The following NUFIP1 variants were observed in gnomAD, a reference collection of about 807,000 sequenced individuals.
NUFIP1 encodes FMR1-interacting protein NUFIP1.
Under a neutral mutation model 56.2 loss-of-function variants are expected in NUFIP1, and 38 were observed. The ratio of observed to expected loss-of-function variants is 0.68; its 90% CI spans 0.52 to 0.89. NUFIP1 has a LOEUF of 0.89. Among genes scored for constraint, NUFIP1 ranks in the 40% least tolerant of loss-of-function variants. NUFIP1 has a pLI of 0.00. For synonymous variants in NUFIP1, 215 were observed against 212.4 expected (o/e 1.01, Z -0.10); for missense variants, 567 against 605.8 (o/e 0.94, Z 0.67).
chr13:44,961,692 G>C (rs892893707), intron 6 of NUFIP1, among the ~76,000 whole-genome samples: 39 of 152,186 alleles, frequency 2.6e-4, no homozygotes, highest in African/African-American at 8.9e-4. Flanking sequence ...TCACTGCAAA[G>C]AAAACAGGTC....
At chr13:44,958,873 T>C (rs1352199378) in intron 7 of NUFIP1, among the ~76,000 whole-genome samples, 1 of 152,248 alleles carries the variant, frequency 6.6e-6, no homozygotes, top group Non-Finnish European at 1.5e-5. Context: ...ACTTGCCCTA[T>C]ATGTTTTAGA....
At position 44,943,477 on chromosome 13, in the gene NUFIP1, C is replaced by G; in HGVS notation, c.1336G>C (p.Glu446Gln). ...KDYHNYQTLF[E>Q]PRTHHPYLLE... is the part of the protein sequence containing the mutation. The stretch of plus-strand genomic sequence containing the variant: ...AGATATGGATGGTGTGTTCTTGGTT[C>G]GAATAACGTTTGATAGTTGTGATAA... The change falls in exon 9 of 10, where the codon GAA becomes CAA. Residue 446 changes from glutamate (E) to glutamine (Q), a missense_variant. Coordinates refer to ENST00000379161, the MANE Select transcript of NUFIP1 (RefSeq NM_012345.3). 3.1e-6 allele frequency: 5 copies of G among 1,613,842 alleles called. No homozygotes were observed. The South Asian group carries it at 5.5e-5, about 18-fold the overall frequency.
chr13:44,945,901 T>G (rs1272219269), intron 8 of NUFIP1, among the ~76,000 whole-genome samples: 2 of 152,020 alleles, frequency 1.3e-5, no homozygotes, highest in East Asian at 3.8e-4. Context: ...ACTCAAACAT[T>G]ACATAGGACT....
rs540176696 is a variant in NUFIP1 at position 44,959,194 on chromosome 13, A to G, written c.1021+187T>C. ...CCTCCCTGCCCCATGTGCCCACCCA[A>G]GACTCAGAAAAGATGTTCTGAAATG... On this transcript the variant is annotated intron_variant, in intron 7 of 9. Transcript: ENST00000379161. 4.6e-5 allele frequency among the ~76,000 whole-genome samples: 7 copies of G among 152,336 alleles called. No individual in the cohort carries two copies. In the South Asian group the frequency reaches 1.4e-3, roughly 32 times the overall value.
At position 44,979,874 on chromosome 13, in the gene NUFIP1, A is replaced by G; in HGVS notation, c.657+16T>C. The G allele has an allele frequency of 3.2e-6, 5 of 1,574,632 alleles. No homozygotes were observed. The highest frequency in any genetic ancestry group is 3.4e-6 in the Non-Finnish European group (4 of 1,162,730). The stretch of plus-strand genomic sequence containing the variant: ...AGAGCATGTATTTAAAAATAGGATA[A>G]AAAAACAGAACTTACATTTCTCCAA... On this transcript the variant is annotated intron_variant, in intron 4 of 9. Coordinates refer to ENST00000379161, the MANE Select transcript of NUFIP1 (RefSeq NM_012345.3).
At chr13:44,942,990 G>T (rs1328819069) in intron 9 of NUFIP1, among the ~76,000 whole-genome samples, 1 of 150,314 alleles carries the variant, frequency 6.7e-6, no homozygotes, top group Non-Finnish European at 1.5e-5. Flanking sequence ...AAAAAAAATA[G>T]GTGGAGGAGG....
chr13:44,966,003 A>G, intron 5 of NUFIP1, 67 bp from the exon 6 acceptor site: 1 of 856,516 alleles, frequency 1.2e-6, no homozygotes, highest in Non-Finnish European at 1.7e-6. Flanking sequence ...GCAATCAAGC[A>G]ATTGCTGAAT....
intron 9 of NUFIP1, among the ~76,000 whole-genome samples, chr13:44,943,240 A>T (rs1870802167): frequency 1.3e-5 from 2 of 152,194 alleles, no homozygotes; most frequent in Admixed American, 6.5e-5. Flanking sequence ...AGTGGTTGTA[A>T]AAATTACATT....
intron 5 of NUFIP1, among the ~76,000 whole-genome samples, chr13:44,977,112 A>C (rs1222125984): frequency 3.9e-5 from 6 of 152,216 alleles, no homozygotes; most frequent in Non-Finnish European, 8.8e-5. Context: ...GCAATTGGCT[A>C]AGGCTCCCTT....
chr13:44,982,485 A>G (rs887896945), intron 1 of NUFIP1, among the ~76,000 whole-genome samples: 8 of 152,214 alleles, frequency 5.3e-5, no homozygotes, highest in African/African-American at 1.7e-4. Flanking sequence ...CTGCTCCTTC[A>G]GCATCAATTT....
chr13:44,943,455 T>G lies in NUFIP1; in HGVS notation c.1358A>C (p.Tyr453Ser). The change falls in exon 9 of 10, where the codon TAT (tyrosine) becomes TCT (serine). Residue 453 changes from tyrosine to serine, a missense_variant. By Grantham distance (144) the Tyr-to-Ser change is moderately radical. Coordinates refer to ENST00000379161, the MANE Select transcript of NUFIP1 (RefSeq NM_012345.3). ...TLFEPRTHHP[Y>S]LLEMLLAPDI... The stretch of plus-strand genomic sequence containing the variant: ...AAAATAATTTACCATTTCCAAGAGA[T>G]ATGGATGGTGTGTTCTTGGTTCGAA... 1 of 1,612,934 alleles carries G rather than the reference T, an allele frequency of 6.2e-7. No individual in the cohort carries two copies. The highest frequency in any genetic ancestry group is 8.5e-7 in the Non-Finnish European group (1 of 1,179,176).
At chr13:44,960,817 C>G (rs1871397914) in intron 6 of NUFIP1, among the ~76,000 whole-genome samples, 1 of 152,122 alleles carries the variant, frequency 6.6e-6, no homozygotes, top group Non-Finnish European at 1.5e-5. Flanking sequence ...AATTTCAGCA[C>G]TTTGGGAGGC....
chr13:44,989,470 G>C lies in NUFIP1; in HGVS notation c.-34C>G, dbSNP rs1442426674. On this transcript the variant is annotated 5_prime_UTR_variant, in exon 1 of 10. Coordinates refer to ENST00000379161, the MANE Select transcript of NUFIP1 (RefSeq NM_012345.3). ...CGGGTCCGGAGTCTAGCACGCGACT[G>C]TGGAGCAAGCATTAGGCGTCACTTC... 1.9e-6 allele frequency: 3 copies of C among 1,608,634 alleles called. No individual in the cohort carries two copies. Among genetic ancestry groups the C allele is most frequent in the South Asian group, 1.1e-5 (1 of 90,528 alleles).
intron 6 of NUFIP1, among the ~76,000 whole-genome samples, chr13:44,962,512 T>C (rs1243987815): frequency 6.6e-6 from 1 of 152,240 alleles, no homozygotes; most frequent in African/African-American, 2.4e-5. Flanking sequence ...TAATGACATT[T>C]TGATCAACAA....
chr13:44,958,171 C>G (rs1271693553), intron 7 of NUFIP1, among the ~76,000 whole-genome samples: 1 of 152,130 alleles, frequency 6.6e-6, no homozygotes, highest in Non-Finnish European at 1.5e-5. Context: ...GTGTAGTGTA[C>G]TGGTGGAGTG....
intron 6 of NUFIP1, among the ~76,000 whole-genome samples, chr13:44,962,291 G>C (rs931470149): frequency 2.0e-5 from 3 of 152,098 alleles, no homozygotes; most frequent in African/African-American, 2.4e-5. Flanking sequence ...AAAAGGAATA[G>C]GTTGTTGAAA....
At chr13:44,945,501 A>G (rs1870876690) in intron 8 of NUFIP1, among the ~76,000 whole-genome samples, 1 of 152,046 alleles carries the variant, frequency 6.6e-6, no homozygotes, top group Non-Finnish European at 1.5e-5. Flanking sequence ...CCCTACTCAT[A>G]CCAAATCTCT....
rs1329184000 is a variant in NUFIP1 at position 44,943,504 on chromosome 13, C to A, written c.1309G>T (p.Asp437Tyr). ...AATAACGTTTGATAGTTGTGATAAT[C>A]TTTTTTCCTCTTAGGGTTTGTTTTT... Reference protein sequence around the residue: ...FEKTNPKRKKDYHNYQTLFEP... With the variant: ...FEKTNPKRKKYYHNYQTLFEP... Residue 437 changes from aspartate to tyrosine, a missense_variant, in exon 9 of 10, where the codon GAT becomes TAT. Physicochemically the swap from Asp to Tyr is radical, Grantham distance 160. Coordinates refer to ENST00000379161, the MANE Select transcript of NUFIP1 (RefSeq NM_012345.3). 6.2e-7 allele frequency: 1 copy of A among 1,613,934 alleles called. No individual in the cohort carries two copies. Among genetic ancestry groups the A allele is most frequent in the Non-Finnish European group, 8.5e-7 (1 of 1,179,984 alleles).
At chr13:44,947,095 G>A (rs756907798) in intron 8 of NUFIP1, among the ~76,000 whole-genome samples, 2 of 151,978 alleles carry the variant, frequency 1.3e-5, no homozygotes, top group Non-Finnish European at 2.9e-5. Context: ...AAAAGTCTAC[G>A]CATTATTGTG....
Sources: gnomAD v4.1 joint callset for allele counts (sites outside exome capture counted in the v4.1 genomes callset) on GRCh38, gnomAD v4.1.1 for gene constraint, MANE v1.5 for transcripts, NCBI Gene and HGNC (gene_info 2026-07-23, HGNC 2026-07-21) for gene names.